Variants in FAM114A2 observed in about 807,000 individuals in gnomAD.
FAM114A2 encodes the protein family with sequence similarity 114 member A2, also known as protein FAM114A2.
Under a neutral mutation model 58.4 loss-of-function variants are expected in FAM114A2, and 53 were observed. That is an observed-to-expected ratio of 0.91 (90% confidence interval 0.73 to 1.14). FAM114A2 has a LOEUF of 1.14. Ranked by LOEUF, FAM114A2 falls within the 50% of genes most tolerant of loss-of-function variation. The probability of loss-of-function intolerance (pLI) is 0.00; values close to 1 mark genes in which losing one functional copy is unlikely to be tolerated. For synonymous variants in FAM114A2, 228 were observed against 211.4 expected (o/e 1.08, Z -0.68); for missense variants, 601 against 581.1 (o/e 1.03, Z -0.35).
In FAM114A2 at chr5:154,033,811, G is replaced by A. The variant is rs1483376242; in HGVS notation, c.383C>T (p.Thr128Ile). 1 of 1,600,476 alleles carries A rather than the reference G, an allele frequency of 6.2e-7. No homozygotes were observed. Among genetic ancestry groups the A allele is most frequent in the Non-Finnish European group, 8.6e-7 (1 of 1,168,236 alleles). The change falls in exon 4 of 14, where the codon ACT (threonine) becomes ATT (isoleucine). Residue 128 changes from threonine to isoleucine, a missense_variant. Transcript: ENST00000351797. ...LGIPGPSEIS[T>I]EVKYVAGETN... ...CTGACCTGCTACATACTTGACTTCA[G>A]TTGAAATTTCACTGGGACCAGGGAT...
intron 5 of FAM114A2, among the ~76,000 whole-genome samples, chr5:154,029,039 T>C (rs1332695930): frequency 1.3e-5 from 2 of 152,250 alleles, no homozygotes; most frequent in Non-Finnish European, 2.9e-5. Context: ...TCTATCCTCA[T>C]GTAGCAAAGA....
At chr5:154,016,409 C>G (rs1047032289) in intron 8 of FAM114A2, among the ~76,000 whole-genome samples, 1 of 152,172 alleles carries the variant, frequency 6.6e-6, no homozygotes, top group Non-Finnish European at 1.5e-5. Flanking sequence ...AGATTAACAG[C>G]AGATTTCTCA....
chr5:154,029,556 T>C lies in FAM114A2; in HGVS notation c.428A>G (p.Glu143Gly). 6.2e-7 allele frequency: 1 copy of C among 1,609,004 alleles called. No individual in the cohort carries two copies. Among genetic ancestry groups the C allele is most frequent in the Non-Finnish European group, 8.5e-7 (1 of 1,175,766 alleles). Residue 143 changes from glutamate (E) to glycine (G), a missense_variant, in exon 5 of 14, where the codon GAA becomes GGA. Coordinates refer to ENST00000351797, the MANE Select transcript of FAM114A2 (RefSeq NM_018691.4). ...TGCCCCAGCCACTGGGGAGGAGTTT[T>C]CATTCTCTTTGGCATTTGTCTCTCC... ...VAGETNAKEN[E>G]NSSPVAGAFG...
intron 9 of FAM114A2, among the ~76,000 whole-genome samples, chr5:154,009,742 T>C (rs868371690): frequency 1.3e-5 from 2 of 152,178 alleles, no homozygotes; most frequent in Middle Eastern, 3.4e-3. Context: ...CTGACATTAA[T>C]CATGAGAAAG....
chr5:154,028,088 C>A (rs1407723106), intron 6 of FAM114A2, 61 bp downstream of exon 6: 2 of 1,422,194 alleles, frequency 1.4e-6, no homozygotes, highest in Non-Finnish European at 1.9e-6. Context: ...TCCAAGTAAA[C>A]AAAGGCAAAA....
intron 12 of FAM114A2, chr5:153,995,189 G>T: frequency 2.1e-6 from 1 of 466,282 alleles, no homozygotes; most frequent in Non-Finnish European, 3.9e-6. Flanking sequence ...TATTGACAGT[G>T]TATTGTTTTA....
chr5:154,029,695 T>G (rs1772050872), intron 4 of FAM114A2, 115 bp from the exon 5 acceptor site: 13 of 524,216 alleles, frequency 2.5e-5, no homozygotes, highest in Middle Eastern at 3.2e-4. Context: ...TACTAGGCCT[T>G]AGCCCTTTTT....
chr5:154,003,538 G>A lies in FAM114A2; in HGVS notation c.994-569C>T, dbSNP rs565079353. Among the ~76,000 whole-genome samples the A allele has an allele frequency of 2.0e-5, 3 of 152,020 alleles. No homozygotes were observed. In the East Asian group the frequency reaches 5.8e-4, roughly 29 times the overall value. On this transcript the variant is annotated intron_variant, in intron 9 of 13. Transcript: ENST00000351797. ...TACATAAAGTGCACAAATCTTCAGAGTATGGCTTAAGAAATGTTTTTATGT... is the reference window on the plus strand; with the variant it reads ...TACATAAAGTGCACAAATCTTCAGAATATGGCTTAAGAAATGTTTTTATGT...
At chr5:154,027,377 G>A in intron 6 of FAM114A2, 43 bp from the exon 7 acceptor site, 1 of 1,531,304 alleles carries the variant, frequency 6.5e-7, no homozygotes, top group Non-Finnish European at 8.9e-7. Flanking sequence ...AACAATGAGA[G>A]CTCAAGGGTG....
chr5:153,997,662 G>A (rs1027433948), intron 12 of FAM114A2, 141 bp downstream of exon 12: 14 of 602,166 alleles, frequency 2.3e-5, no homozygotes, highest in Middle Eastern at 2.7e-4. Flanking sequence ...ATTAGACTAT[G>A]GAAATGGCCG....
rs138685311 is a variant in FAM114A2 at position 153,997,863 on chromosome 5, C to T, written c.1269G>A (p.Val423=). ...ACAGAGAGGACAACTCTTTACACAACACAATTGTCATCCTAGGAAAGAAAG... is the reference window on the plus strand; with the variant it reads ...ACAGAGAGGACAACTCTTTACACAATACAATTGTCATCCTAGGAAAGAAAG... ...RSQTLSQMTI[V]LCKELSSLSK... The change falls in exon 12 of 14, where the codon GTG becomes GTA. Residue 423 remains valine, a synonymous_variant. Transcript: ENST00000351797. 5 of 1,592,756 alleles carry T rather than the reference C, an allele frequency of 3.1e-6. No individual in the cohort carries two copies. Among genetic ancestry groups the T allele is most frequent in the African/African-American group, 2.7e-5 (2 of 74,292 alleles).
intron 4 of FAM114A2, among the ~76,000 whole-genome samples, chr5:154,032,565 A>T (rs942109989): frequency 6.6e-6 from 1 of 152,186 alleles, no homozygotes; most frequent in Non-Finnish European, 1.5e-5. Context: ...TTGCTGCTAC[A>T]TCAAGAACAT....
chr5:154,000,177 G>T (rs1769885359), intron 11 of FAM114A2, among the ~76,000 whole-genome samples: 1 of 152,090 alleles, frequency 6.6e-6, no homozygotes, highest in African/African-American at 2.4e-5. Context: ...CAGAACAATT[G>T]TGATACCAGA....
chr5:154,027,753 G>C (rs931677384), intron 6 of FAM114A2, among the ~76,000 whole-genome samples: 3 of 151,948 alleles, frequency 2.0e-5, no homozygotes, highest in Non-Finnish European at 4.4e-5. Context: ...CACCTACCTC[G>C]GCCTCCCAAA....
chr5:154,031,211 C>T (rs976590695), intron 4 of FAM114A2, among the ~76,000 whole-genome samples: 3 of 142,956 alleles, frequency 2.1e-5, no homozygotes, highest in East Asian at 2.2e-4. Flanking sequence ...ATTTGGGAGG[C>T]TGAGGCAGGA....
Position 154,030,006 on chromosome 5 carries a change from G to A in FAM114A2, c.404-426C>T, listed in dbSNP as rs1189384930. Among the ~76,000 whole-genome samples the A allele has an allele frequency of 6.6e-5, 10 of 152,128 alleles. No homozygotes were observed. In the East Asian group the frequency reaches 1.9e-3, roughly 29 times the overall value. ...GTCTCAATTATCAATACAGATATAG[G>A]AAACATTCTATATATCTGTATTGAT... On this transcript the variant is annotated intron_variant, in intron 4 of 13. Transcript: ENST00000351797.
chr5:154,029,536 C>T lies in FAM114A2; in HGVS notation c.448G>A (p.Gly150Arg). ...KENENSSPVA[G>R]AFGVFSTIST... ...ATGGTAGAGAATACACCAAATGCCC[C>T]AGCCACTGGGGAGGAGTTTTCATTC... Residue 150 changes from glycine (G) to arginine (R), a missense_variant, in exon 5 of 14, where the codon GGG becomes AGG. Coordinates refer to ENST00000351797, the MANE Select transcript of FAM114A2 (RefSeq NM_018691.4). 1 of 1,611,620 alleles carries T rather than the reference C, an allele frequency of 6.2e-7. No homozygotes were observed. The highest frequency in any genetic ancestry group is 8.5e-7 in the Non-Finnish European group (1 of 1,178,116).
intron 11 of FAM114A2, among the ~76,000 whole-genome samples, chr5:154,000,707 CAT>C (rs1349755994): frequency 1.3e-5 from 2 of 152,062 alleles, no homozygotes; most frequent in African/African-American, 4.8e-5. Flanking sequence ...ACTCATGCTA[CAT>C]AAAAAGGAAG....
chr5:154,007,802 C>A (rs530975533), intron 9 of FAM114A2, among the ~76,000 whole-genome samples: 1 of 152,258 alleles, frequency 6.6e-6, no homozygotes, highest in African/African-American at 2.4e-5. Context: ...CAACAGTGAG[C>A]ATTTATTTAC....
Sources: allele counts gnomAD v4.1 joint callset (sites outside exome capture counted in the v4.1 genomes callset), GRCh38; gene constraint gnomAD v4.1.1; transcripts MANE v1.5; gene names NCBI Gene and HGNC (gene_info 2026-07-23, HGNC 2026-07-21).